The following CILP variants were observed in gnomAD, a reference collection of about 807,000 sequenced individuals.
The protein encoded by CILP is cartilage intermediate layer protein 1.
CILP carries 75 observed loss-of-function variants against 82.5 expected under a neutral mutation model. That is an observed-to-expected ratio of 0.91 (90% CI 0.75 to 1.10). CILP has a LOEUF of 1.10. Among genes scored for constraint, CILP ranks in the 50% least tolerant of loss-of-function variants. The pLI is 0.00. For missense variants in CILP, 1,479 were observed against 1,530.8 expected (o/e 0.97, Z 0.56); for synonymous variants, 530 against 580.3 (o/e 0.91, Z 1.25).
Position 65,198,399 on chromosome 15 carries a change from G to A in CILP, c.1887C>T (p.Pro629=). 6.2e-7 allele frequency: 1 copy of A among 1,614,212 alleles called. No individual in the cohort carries two copies. The highest frequency in any genetic ancestry group is 8.5e-7 in the Non-Finnish European group (1 of 1,180,036). Reference sequence around the variant, plus strand: ...CAGCTGTGGCTGTGGAAATATTCCGGGGATCCAGGAAGGTCACACTGGCCT... The same window carrying A: ...CAGCTGTGGCTGTGGAAATATTCCGAGGATCCAGGAAGGTCACACTGGCCT... The part of the protein sequence containing the change: ...KVKASVTFLD[P]RNISTATAAQ... The change falls in exon 9 of 9, where the codon CCC becomes CCT. Residue 629 remains proline, a synonymous_variant. Transcript: ENST00000261883.
chr15:65,196,946 C>CT lies in CILP; in HGVS notation c.3339dup (p.Ala1114SerfsTer63), dbSNP rs770596644. 6.2e-7 allele frequency: 1 copy of CT among 1,613,692 alleles called. No individual in the cohort carries two copies. The highest frequency in any genetic ancestry group is 2.2e-5 in the East Asian group (1 of 44,886). On this transcript the variant is annotated frameshift_variant, in exon 9 of 9. Coordinates refer to ENST00000261883, the MANE Select transcript of CILP (RefSeq NM_003613.4). LOFTEE classifies it low-confidence loss of function (END_TRUNC). The stretch of plus-strand genomic sequence containing the variant: ...CTCTCTACACAGTTGAAGGTGAGGG[C>CT]TACTCCCACATTGCTCTTCATGATT...
intron 8 of CILP, among the ~76,000 whole-genome samples, chr15:65,200,749 C>T (rs947863729): frequency 2.6e-5 from 4 of 152,182 alleles, no homozygotes; most frequent in African/African-American, 9.7e-5. Context: ...AGGTTTTAAA[C>T]TATGCATGCC....
chr15:65,198,711 A>C lies in CILP; in HGVS notation c.1575T>G (p.Thr525=), dbSNP rs751070181. 6.2e-7 allele frequency: 1 copy of C among 1,614,186 alleles called. No individual in the cohort carries two copies. The highest frequency in any genetic ancestry group is 8.5e-7 in the Non-Finnish European group (1 of 1,180,036). ...SRVSMTGYKG[T]FTLHVPQDTE... The stretch of plus-strand genomic sequence containing the variant: ...TGTCCTGGGGGACATGGAGGGTGAA[A>C]GTGCCCTTGTAGCCAGTCATGCTTA... The change falls in exon 9 of 9, where the codon ACT becomes ACG. Residue 525 remains threonine (T), a synonymous_variant. Transcript: ENST00000261883.
intron 4 of CILP, among the ~76,000 whole-genome samples, chr15:65,205,696 C>T (rs577718012): frequency 2.0e-5 from 3 of 152,304 alleles, no homozygotes; most frequent in Non-Finnish European, 4.4e-5. Context: ...TGGCCCTGAG[C>T]GGTGCTTGTT....
intron 8 of CILP, among the ~76,000 whole-genome samples, chr15:65,200,634 G>A (rs528438321): frequency 3.3e-5 from 5 of 152,054 alleles, no homozygotes; most frequent in African/African-American, 1.2e-4. Context: ...CTTTACCCAT[G>A]CTGGCCCCTC....
intron 8 of CILP, among the ~76,000 whole-genome samples, chr15:65,200,432 A>G (rs967681366): frequency 2.5e-5 from 3 of 118,242 alleles, no homozygotes; most frequent in African/African-American, 9.9e-5. Flanking sequence ...GGATCCTTCC[A>G]ATACATTCTG....
rs2088526799 is a variant in CILP, at chr15:65,207,105, C to G, written c.155-54G>C. ...GCCGTGATCCTGGTGCGCTCCAGTTCTCCTTTCCCTCTCACCCACCCCCAG... is the reference window on the plus strand; with the variant it reads ...GCCGTGATCCTGGTGCGCTCCAGTTGTCCTTTCCCTCTCACCCACCCCCAG... On this transcript the variant is annotated intron_variant, in intron 3 of 8. Transcript: ENST00000261883. 3.8e-6 allele frequency: 6 copies of G among 1,565,630 alleles called. No individual in the cohort carries two copies. In the Admixed American group the frequency reaches 5.2e-5, roughly 14 times the overall value.
Position 65,197,439 on chromosome 15 carries a change from C to T in CILP, c.2847G>A (p.Met949Ile). 2 of 1,614,248 alleles carry T rather than the reference C, an allele frequency of 1.2e-6. No homozygotes were observed. The highest frequency in any genetic ancestry group is 2.2e-5 in the South Asian group (2 of 91,088). The change falls in exon 9 of 9, where the codon ATG (methionine) becomes ATA (isoleucine). Residue 949 changes from methionine to isoleucine, a missense_variant. Met to Ile is a conservative substitution (Grantham distance 10, BLOSUM62 1). Coordinates refer to ENST00000261883, the MANE Select transcript of CILP (RefSeq NM_003613.4). ...CCTTGATATAGCAGGCCCTGAATTC[C>T]ATCGGCTTTGGCCACCATGCCAGAT... is the stretch of plus-strand genomic sequence containing the variant. Reference protein sequence around the residue: ...EDYLAWWPKPMEFRACYIKVK... With the variant: ...EDYLAWWPKPIEFRACYIKVK...
At chr15:65,203,229 C>T (rs1247554499) in intron 7 of CILP, 133 bp downstream of exon 7, 25 of 623,550 alleles carry the variant, frequency 4.0e-5, no homozygotes, top group Admixed American at 5.6e-5. Context: ...TCCCAACATC[C>T]GGGCTCTGTA....
rs973992311 is a variant in CILP, at chr15:65,207,700, G to A, written c.126C>T (p.Ile42=). 1 of 1,614,042 alleles carries A rather than the reference G, an allele frequency of 6.2e-7. No individual in the cohort carries two copies. The highest frequency in any genetic ancestry group is 1.3e-5 in the African/African-American group (1 of 74,922). ...CCAGGGTGTCGGCAGGCTTGGCAAA[G>A]ATGCTGGGGTTCTTCTTCCCAGGCT... The part of the protein sequence containing the change: ...RVQPGKKNPS[I]FAKPADTLES... The change falls in exon 3 of 9, where the codon ATC becomes ATT. Residue 42 remains isoleucine (I), a synonymous_variant. Coordinates refer to ENST00000261883, the MANE Select transcript of CILP (RefSeq NM_003613.4).
chr15:65,198,308 ACATGC>A lies in CILP; in HGVS notation c.1973_1977del (p.Gly658ValfsTer8). The A allele has an allele frequency of 6.2e-7, 1 of 1,614,262 alleles. No individual in the cohort carries two copies. Among genetic ancestry groups the A allele is most frequent in the Non-Finnish European group, 8.5e-7 (1 of 1,180,046 alleles). ...ACCTCATCTCTGAAGTCCACAGAGA[ACATGC>A]CATACGTCCGAAGGGGGAAAGTGTC... On this transcript the variant is annotated frameshift_variant, in exon 9 of 9. Transcript: ENST00000261883. LOFTEE classifies it high-confidence loss of function.
chr15:65,206,226 T>C (rs2088516086), intron 4 of CILP, among the ~76,000 whole-genome samples: 1 of 152,046 alleles, frequency 6.6e-6, no homozygotes, highest in Non-Finnish European at 1.5e-5. Context: ...CTCTCAAAGG[T>C]CAGTTGTAAA....
chr15:65,210,455 C>T (rs533174846), intron 1 of CILP, among the ~76,000 whole-genome samples: 11 of 152,114 alleles, frequency 7.2e-5, no homozygotes, highest in South Asian at 4.1e-4. Context: ...AGCCAGCTGA[C>T]GGAAAGCAGA....
Position 65,197,443 on chromosome 15 carries a change from G to T in CILP, c.2843C>A (p.Pro948Gln), listed in dbSNP as rs762243856. 2 of 1,614,200 alleles carry T rather than the reference G, an allele frequency of 1.2e-6. No individual in the cohort carries two copies. The highest frequency in any genetic ancestry group is 3.3e-5 in the Admixed American group (2 of 60,026). ...TEDYLAWWPK[P>Q]MEFRACYIKV... ...GATATAGCAGGCCCTGAATTCCATC[G>T]GCTTTGGCCACCATGCCAGATAGTC... Residue 948 changes from proline to glutamine, a missense_variant, in exon 9 of 9, where the codon CCG becomes CAG. Physicochemically the swap from Pro to Gln is moderately conservative, Grantham distance 76. Coordinates refer to ENST00000261883, the MANE Select transcript of CILP (RefSeq NM_003613.4).
rs775402963 is a variant in CILP, at chr15:65,198,667, G to A, written c.1619C>T (p.Thr540Ile). Residue 540 changes from threonine (T) to isoleucine (I), a missense_variant, in exon 9 of 9, where the codon ACA becomes ATA. Coordinates refer to ENST00000261883, the MANE Select transcript of CILP (RefSeq NM_003613.4). Reference sequence around the variant, plus strand: ...AAACTTCTGCAGCCTGTCCACAAATGTGAGCACCAGCCTCTCAGTGTCCTG... The same window carrying A: ...AAACTTCTGCAGCCTGTCCACAAATATGAGCACCAGCCTCTCAGTGTCCTG... Reference protein sequence around the residue: ...VPQDTERLVLTFVDRLQKFVN... With the variant: ...VPQDTERLVLIFVDRLQKFVN... The A allele has an allele frequency of 2.5e-6, 4 of 1,614,230 alleles. No individual in the cohort carries two copies. The highest frequency in any genetic ancestry group is 3.4e-6 in the Non-Finnish European group (4 of 1,180,046).
chr15:65,197,790 T>C lies in CILP; in HGVS notation c.2496A>G (p.Glu832=). 1 of 1,613,468 alleles carries C rather than the reference T, an allele frequency of 6.2e-7. No homozygotes were observed. The highest frequency in any genetic ancestry group is 8.5e-7 in the Non-Finnish European group (1 of 1,180,012). The change falls in exon 9 of 9, where the codon GAA becomes GAG. Residue 832 remains glutamate, a synonymous_variant. Transcript: ENST00000261883. ...AYVLASLAGE[E]LQAVESSPKF... ...TAGGAGAAGACTCCACTGCTTGCAG[T>C]TCCTCCCCAGCCAGGCTTGCCAAGA...
chr15:65,206,329 CT>C (rs1566996816), intron 4 of CILP, among the ~76,000 whole-genome samples: 1 of 152,144 alleles, frequency 6.6e-6, no homozygotes. Flanking sequence ...GGTTAAGCCT[CT>C]GCATTCATAT....
intron 4 of CILP, 96 bp from the exon 5 acceptor site, chr15:65,205,562 A>C (rs1207338804): frequency 5.7e-6 from 7 of 1,222,630 alleles, no homozygotes; most frequent in Non-Finnish European, 7.8e-6. Flanking sequence ...GGTAAAGACA[A>C]GGTTTCCATT....
At chr15:65,209,588 A>T in intron 2 of CILP, 107 bp downstream of exon 2, 1 of 998,476 alleles carries the variant, frequency 1.0e-6, no homozygotes, top group Non-Finnish European at 1.6e-6. Flanking sequence ...CTCAGGTCTT[A>T]AGGCCTTGCT....
Sources: allele counts gnomAD v4.1 joint callset (sites outside exome capture counted in the v4.1 genomes callset), GRCh38; gene constraint gnomAD v4.1.1; transcripts MANE v1.5; gene names NCBI Gene and HGNC (gene_info 2026-07-23, HGNC 2026-07-21).